The following ZNF512 variants were observed in gnomAD, a reference collection of about 807,000 sequenced individuals.
ZNF512 encodes zinc finger protein 512.
ZNF512 carries 25 observed loss-of-function variants against 77.5 expected under a neutral mutation model. That is an observed-to-expected ratio of 0.32 (90% CI 0.23 to 0.45). The LOEUF (loss-of-function observed/expected upper bound fraction) is 0.45, where lower values mean the gene tolerates loss of function less well. Ranked by LOEUF, ZNF512 falls within the 20% of genes least tolerant of loss-of-function variation. The probability of loss-of-function intolerance (pLI) is 1.00; values close to 1 mark genes in which losing one functional copy is unlikely to be tolerated. For missense variants in ZNF512, 483 were observed against 692.6 expected (o/e 0.70, Z 3.40); for synonymous variants, 246 against 239.9 (o/e 1.03, Z -0.24).
intron 2 of ZNF512, among the ~76,000 whole-genome samples, chr2:27,586,214 TTTGTTGTTGTTG>T (rs70953868): frequency 9.4e-5 from 14 of 149,442 alleles, no homozygotes; most frequent in African/African-American, 3.2e-4. Flanking sequence ...CCATCAAGTC[TTTGTTGTTGTTG>T]TTGTTGTTGT....
chr2:27,599,502 G>T, intron 3 of ZNF512, 81 bp from the exon 4 acceptor site: 1 of 998,370 alleles, frequency 1.0e-6, no homozygotes, highest in Non-Finnish European at 1.6e-6. Flanking sequence ...ATGGTCTTGT[G>T]AATGATGTTT....
Position 27,599,972 on chromosome 2 carries a change from A to G in ZNF512, c.376A>G (p.Arg126Gly). 6.2e-7 allele frequency: 1 copy of G among 1,614,184 alleles called. No homozygotes were observed. The highest frequency in any genetic ancestry group is 8.5e-7 in the Non-Finnish European group (1 of 1,180,006). Residue 126 changes from arginine to glycine, a missense_variant and splice_region_variant, in exon 5 of 14, where the codon AGG becomes GGG. Transcript: ENST00000355467. ...TTCAAGTTTCTGTCTTATGTCAGGG[A>G]GGAAGCAACGGCCTAAAACTCAGCC... ...FPQKKHKLYG[R>G]KQRPKTQPNP...
At chr2:27,615,387 A>G (rs901065188) in intron 11 of ZNF512, 118 bp downstream of exon 11, 16 of 617,808 alleles carry the variant, frequency 2.6e-5, no homozygotes, top group Non-Finnish European at 4.3e-5. Context: ...CAATTATTTT[A>G]TTTGTTCACA....
At chr2:27,599,195 T>C (rs1209869268) in intron 3 of ZNF512, among the ~76,000 whole-genome samples, 3 of 152,164 alleles carry the variant, frequency 2.0e-5, no homozygotes, top group African/African-American at 7.2e-5. Context: ...ATTTAGGGGC[T>C]GGTGTAAGGA....
chr2:27,601,972 C>G (rs1042152035), intron 7 of ZNF512, among the ~76,000 whole-genome samples: 1 of 151,418 alleles, frequency 6.6e-6, no homozygotes, highest in Non-Finnish European at 1.5e-5. Context: ...TTAGTAGAGA[C>G]TGAGTTTCAC....
At chr2:27,621,128 T>C (rs372479193) in intron 13 of ZNF512, 25 bp from the exon 14 acceptor site, 98 of 1,597,274 alleles carry the variant, frequency 6.1e-5, no homozygotes, top group Non-Finnish European at 7.9e-5. Context: ...TTCGACTGGA[T>C]GACATTTCTA....
At chr2:27,612,555 C>G (rs535852356) in intron 10 of ZNF512, among the ~76,000 whole-genome samples, 2 of 152,220 alleles carry the variant, frequency 1.3e-5, no homozygotes, top group East Asian at 1.9e-4. Context: ...ACCTTCATTT[C>G]CAATCCAACA....
chr2:27,610,581 T>TACA (rs1558474954), intron 10 of ZNF512, among the ~76,000 whole-genome samples: 652 of 51,454 alleles, frequency 0.013, 58 homozygotes, highest in African/African-American at 0.055. Flanking sequence ...TTTTTTTTTT[T>TACA]TTTTTTTTTT....
chr2:27,619,527 A>G (rs868662753), intron 13 of ZNF512, among the ~76,000 whole-genome samples: 3 of 152,296 alleles, frequency 2.0e-5, no homozygotes, highest in Middle Eastern at 3.4e-3. Flanking sequence ...GGTTTGGGGC[A>G]TGCTCCCAGG....
At chr2:27,583,284 C>G in intron 1 of ZNF512, 142 bp downstream of exon 1, 2 of 1,363,934 alleles carry the variant, frequency 1.5e-6, no homozygotes, top group Non-Finnish European at 1.0e-6. Context: ...GATCACCTGT[C>G]CCTTTTTCTT....
At chr2:27,589,082 A>T (rs1220312632) in intron 2 of ZNF512, among the ~76,000 whole-genome samples, 1 of 152,178 alleles carries the variant, frequency 6.6e-6, no homozygotes, top group Non-Finnish European at 1.5e-5. Flanking sequence ...GACACTTTAT[A>T]AATTAATTTA....
chr2:27,585,792 C>A (rs1671296778), intron 2 of ZNF512, among the ~76,000 whole-genome samples: 1 of 152,078 alleles, frequency 6.6e-6, no homozygotes, highest in Non-Finnish European at 1.5e-5. Flanking sequence ...ACACTGGTGG[C>A]AACAAATTAT....
intron 10 of ZNF512, among the ~76,000 whole-genome samples, chr2:27,612,114 T>A (rs1672692080): frequency 6.6e-6 from 1 of 152,218 alleles, no homozygotes; most frequent in African/African-American, 2.4e-5. Flanking sequence ...AAGTAAAGAC[T>A]CAATGATGTT....
Position 27,599,850 on chromosome 2 carries a change from G to T in ZNF512, c.374-120G>T. 5.5e-6 allele frequency: 7 copies of T among 1,269,540 alleles called. No individual in the cohort carries two copies. The South Asian group carries it at 8.9e-5, about 16-fold the overall frequency. The allele number at this position is 1,269,540 out of a possible 1,614,324, so 78.6% of individuals were successfully genotyped here. The stretch of plus-strand genomic sequence containing the variant: ...TCATTATACCCTTTCATTCTGTCCT[G>T]ACTTAGGCAGTCAGTCGGTTGAGGG... On this transcript the variant is annotated intron_variant, in intron 4 of 13. Coordinates refer to ENST00000355467, the MANE Select transcript of ZNF512 (RefSeq NM_032434.4).
intron 8 of ZNF512, 144 bp from the exon 9 acceptor site, chr2:27,602,996 T>A: frequency 1.1e-6 from 1 of 883,274 alleles, no homozygotes; most frequent in Non-Finnish European, 1.8e-6. Flanking sequence ...AGGGTTGTGC[T>A]GATGGGAGAT....
chr2:27,598,999 A>T (rs1671997032), intron 3 of ZNF512, among the ~76,000 whole-genome samples: 1 of 152,012 alleles, frequency 6.6e-6, no homozygotes, highest in African/African-American at 2.4e-5. Context: ...GTGCCACCAC[A>T]CCTGGCTAAT....
At chr2:27,601,537 C>T (rs1286335880) in intron 7 of ZNF512, 95 bp downstream of exon 7, 45 of 1,020,528 alleles carry the variant, frequency 4.4e-5, no homozygotes, top group East Asian at 3.7e-4. Flanking sequence ...TGCAGTGGCA[C>T]GATCTCGGCT....
At chr2:27,604,011 C>A (rs986057305) in intron 9 of ZNF512, among the ~76,000 whole-genome samples, 2 of 152,126 alleles carry the variant, frequency 1.3e-5, no homozygotes, top group Admixed American at 6.6e-5. Flanking sequence ...ACTGTGACCT[C>A]CGCCTCCTGG....
At chr2:27,590,757 C>G (rs1671533114) in intron 2 of ZNF512, among the ~76,000 whole-genome samples, 1 of 152,060 alleles carries the variant, frequency 6.6e-6, no homozygotes, top group Non-Finnish European at 1.5e-5. Flanking sequence ...TGAAGTGATC[C>G]TCCCACCTCA....
Sources: allele counts gnomAD v4.1 joint callset (sites outside exome capture counted in the v4.1 genomes callset), GRCh38; gene constraint gnomAD v4.1.1; transcripts MANE v1.5; gene names NCBI Gene and HGNC (gene_info 2026-07-23, HGNC 2026-07-21).